HIRA: variants seen among roughly 807,000 people sequenced by gnomAD.
HIRA encodes protein HIRA.
In HIRA, 13 loss-of-function variants were observed where a neutral mutation model predicts 126.6. The ratio of observed to expected loss-of-function variants is 0.10; its 90% confidence interval spans 0.07 to 0.16. The LOEUF is 0.16. HIRA is among the 10% of genes least tolerant of loss of function. The pLI, the probability that HIRA is intolerant of heterozygous loss-of-function variation, is 1.00. For missense variants in HIRA, 834 were observed against 1,314.4 expected (o/e 0.63, Z 5.65); for synonymous variants, 511 against 520.0 (o/e 0.98, Z 0.24).
At chr22:19,404,336 C>T (rs1311316983) in intron 5 of HIRA, among the ~76,000 whole-genome samples, 3 of 152,170 alleles carry the variant, frequency 2.0e-5, no homozygotes, top group East Asian at 3.9e-4. Context: ...GAATGCAAGG[C>T]TCTGGTTAGG....
rs76922957 is a variant in HIRA at position 19,351,312 on chromosome 22, T to C, written c.2937+46A>G. On this transcript the variant is annotated intron_variant, in intron 24 of 24. Coordinates refer to ENST00000263208, the MANE Select transcript of HIRA (RefSeq NM_003325.4). This position sits in a 1 kb window ranked among gnomAD's most constrained non-coding sequence, Gnocchi z 4.8. ...CTTATTTAAAAAATCTCCACCTTCA[T>C]GTTTCAAGAAAGAATTCTTGCAGCA... 1.3e-5 allele frequency: 21 copies of C among 1,576,020 alleles called. 1 individual carries two copies. In the South Asian group the frequency reaches 2.4e-4, roughly 18 times the overall value.
chr22:19,414,936 C>CTTATTTATTTATTTAT (rs138847743), intron 1 of HIRA, among the ~76,000 whole-genome samples: 4,590 of 150,752 alleles, frequency 0.03, 119 homozygotes, highest in South Asian at 0.11. Flanking sequence ...ACAACACAAA[C>CTTATTTATTTATTTAT]TTATTTATTT....
At position 19,383,788 on chromosome 22, in the gene HIRA, C is replaced by G. The variant is rs918145618; in HGVS notation, c.1330-83G>C. On this transcript the variant is annotated intron_variant, in intron 12 of 24. Transcript: ENST00000263208. ...ATTAAAAAATAAAGTCTCTTTTTTT[C>G]CTGGTGATAAGAACACTAAGCATAA... 2.2e-5 allele frequency: 24 copies of G among 1,067,792 alleles called. No homozygotes were observed. The African/African-American group carries it at 3.6e-4, about 16-fold the overall frequency. The allele number at this position is 1,067,792 out of a possible 1,614,324, so 66.1% of individuals were successfully genotyped here.
At chr22:19,421,949 GGTGTGA>G (rs2146256898) in intron 1 of HIRA, among the ~76,000 whole-genome samples, 1 of 152,204 alleles carries the variant, frequency 6.6e-6, no homozygotes, top group East Asian at 1.9e-4. Context: ...TGGGATTACA[GGTGTGA>G]GCCACCATGC....
intron 21 of HIRA, 79 bp downstream of exon 21, chr22:19,355,681 A>T (rs1569293475): frequency 2.9e-6 from 3 of 1,024,298 alleles, no homozygotes; most frequent in Non-Finnish European, 4.6e-6. Flanking sequence ...GCAGCCCTGT[A>T]GGCCACGACC....
chr22:19,342,433 C>A (rs2088640578), intron 24 of HIRA, among the ~76,000 whole-genome samples: 1 of 152,164 alleles, frequency 6.6e-6, no homozygotes, highest in African/African-American at 2.4e-5. Flanking sequence ...GTCACCCAGG[C>A]TGGAATGCAG....
At position 19,357,592 on chromosome 22, in the gene HIRA, C is replaced by T. The variant is rs146056484; in HGVS notation, c.2235-541G>A. Among the ~76,000 whole-genome samples the T allele has an allele frequency of 7.0e-3, 1,059 of 152,336 alleles. 19 individuals are homozygous for T. The highest frequency in any genetic ancestry group is 0.044 in the South Asian group (211 of 4,826). ...AGTCTGGACACTGTCCAGCTTCTCC[C>T]GAGTGACCACCAGGCCCCTGGGTGG... On this transcript the variant is annotated intron_variant, in intron 18 of 24. Coordinates refer to ENST00000263208, the MANE Select transcript of HIRA (RefSeq NM_003325.4).
intron 18 of HIRA, among the ~76,000 whole-genome samples, chr22:19,357,528 G>A (rs1556013023): frequency 6.6e-6 from 1 of 152,226 alleles, no homozygotes; most frequent in African/African-American, 2.4e-5. Flanking sequence ...TGGCGTGGGA[G>A]ATGTGTGTCG....
chr22:19,345,246 C>T (rs780723735), intron 24 of HIRA, among the ~76,000 whole-genome samples: 12 of 152,170 alleles, frequency 7.9e-5, no homozygotes, highest in African/African-American at 2.4e-4. Context: ...AAAGATTCAG[C>T]GAAAAACTAC....
At position 19,369,605 on chromosome 22, in the gene HIRA, C is replaced by A. The variant is rs183642211; in HGVS notation, c.1775+6026G>T. ...CAAGGTGTATTACTTTGCGCACCACCCCTAACCACTGCATGACACTGTGCC... is the reference window on the plus strand; with the variant it reads ...CAAGGTGTATTACTTTGCGCACCACACCTAACCACTGCATGACACTGTGCC... On this transcript the variant is annotated intron_variant, in intron 15 of 24. Coordinates refer to ENST00000263208, the MANE Select transcript of HIRA (RefSeq NM_003325.4). 6.2e-3 allele frequency among the ~76,000 whole-genome samples: 949 copies of A among 152,118 alleles called. 9 individuals carry two copies. Among genetic ancestry groups the A allele is most frequent in the Non-Finnish European group, 0.011 (776 of 67,992 alleles).
At chr22:19,408,436 G>A (rs1168067727) in intron 3 of HIRA, 47 bp downstream of exon 3, 1 of 1,206,634 alleles carries the variant, frequency 8.3e-7, no homozygotes, top group African/African-American at 1.5e-5. Flanking sequence ...GCTAACCTTG[G>A]GCACTCTGCC....
chr22:19,333,997 T>C (rs150511009), intron 24 of HIRA, among the ~76,000 whole-genome samples: 60 of 151,954 alleles, frequency 3.9e-4, no homozygotes, highest in African/African-American at 1.3e-3. Context: ...TTTCTTGAGA[T>C]GGAGCCTCGA....
At chr22:19,350,403 C>T (rs1195943410) in intron 24 of HIRA, among the ~76,000 whole-genome samples, 2 of 152,202 alleles carry the variant, frequency 1.3e-5, no homozygotes, top group Non-Finnish European at 2.9e-5. Context: ...TCTCCCATCC[C>T]CCACCAACCT....
intron 24 of HIRA, chr22:19,350,991 A>G (rs1044736826): frequency 7.3e-6 from 2 of 272,896 alleles, no homozygotes; most frequent in Non-Finnish European, 1.1e-5. Flanking sequence ...ATCTAGTCTG[A>G]AAATATTTTG....
At chr22:19,355,943 T>G in intron 20 of HIRA, 78 bp from the exon 21 acceptor site, 1 of 1,014,374 alleles carries the variant, frequency 9.9e-7, no homozygotes, top group Non-Finnish European at 1.5e-6. Flanking sequence ...GAGAAATCTG[T>G]ACTCTAGGCT....
chr22:19,420,697 AAAGT>A (rs2089439658), intron 1 of HIRA, among the ~76,000 whole-genome samples: 2 of 149,602 alleles, frequency 1.3e-5, no homozygotes, highest in South Asian at 2.1e-4. Context: ...TCTGAGCGAC[AAAGT>A]AAGACCTTGT....
intron 24 of HIRA, among the ~76,000 whole-genome samples, chr22:19,339,419 G>A (rs1417760128): frequency 6.6e-6 from 1 of 152,132 alleles, no homozygotes; most frequent in Non-Finnish European, 1.5e-5. Flanking sequence ...AGGATCACTT[G>A]AGGTCAGGAG....
At chr22:19,406,828 C>A (rs926848125) in intron 4 of HIRA, among the ~76,000 whole-genome samples, 2 of 152,204 alleles carry the variant, frequency 1.3e-5, no homozygotes, top group Non-Finnish European at 2.9e-5. Context: ...GATCCCCTGC[C>A]CCAGATCCTG....
intron 11 of HIRA, among the ~76,000 whole-genome samples, chr22:19,386,659 G>C (rs182268032): frequency 1.3e-4 from 20 of 152,162 alleles, no homozygotes; most frequent in Non-Finnish European, 2.9e-4. Context: ...GTTTGGCCAG[G>C]GTTTCCCTAG....
Sources: allele counts gnomAD v4.1 joint callset (sites outside exome capture counted in the v4.1 genomes callset), GRCh38; gene constraint gnomAD v4.1.1; non-coding constraint Gnocchi (gnomAD v3.1); transcripts MANE v1.5; gene names NCBI Gene and HGNC (gene_info 2026-07-23, HGNC 2026-07-21).